MFSD2B: variants seen among roughly 807,000 people sequenced by gnomAD.
MFSD2B encodes the protein MFSD2 lysolipid transporter B, sphingolipid.
Under a neutral mutation model 58.4 loss-of-function variants are expected in MFSD2B, and 56 were observed. That is an observed-to-expected ratio of 0.96 (90% CI 0.77 to 1.20). The LOEUF (loss-of-function observed/expected upper bound fraction) is 1.20, where lower values mean the gene tolerates loss of function less well. MFSD2B is among the 50% of genes most tolerant of loss of function. MFSD2B has a pLI of 0.00. For synonymous variants in MFSD2B, 287 were observed against 294.4 expected (o/e 0.97, Z 0.26); for missense variants, 645 against 667.6 (o/e 0.97, Z 0.37).
chr2:24,013,074 C>T, intron 1 of MFSD2B: 1 of 406,204 alleles, frequency 2.5e-6, no homozygotes, highest in Non-Finnish European at 4.3e-6. Context: ...AGAACTTCCC[C>T]CCTGGAAATG....
At position 24,023,959 on chromosome 2, in the gene MFSD2B, A is replaced by ACTCC. The variant is rs1247567142; in HGVS notation, c.1314-135_1314-132dup. Reference sequence around the variant, plus strand: ...TCCCAGGTCAGCCTGTCACCTTGACACTCCTCTCCTGATCTGACCAGGAAA... The same window carrying ACTCC: ...TCCCAGGTCAGCCTGTCACCTTGACACTCCCTCCTCTCCTGATCTGACCAGGAAA... On this transcript the variant is annotated intron_variant, in intron 12 of 13. Transcript: ENST00000338315. This position sits in a 1 kb window ranked among gnomAD's most constrained non-coding sequence, Gnocchi z 5.0. 1.0e-6 allele frequency: 1 copy of ACTCC among 991,026 alleles called. No homozygotes were observed. Among genetic ancestry groups the ACTCC allele is most frequent in the East Asian group, 2.5e-5 (1 of 39,356 alleles). The allele number at this position is 991,026 out of a possible 1,614,324, so 61.4% of individuals were successfully genotyped here.
chr2:24,021,906 C>T lies in MFSD2B; in HGVS notation c.830C>T (p.Thr277Ile), dbSNP rs200261524. ...AGTTTCCTGGCTGGGCTGAGCCTCA[C>T]TACCCGGCACCCACCCTACCTGAAG... The part of the protein sequence containing the change: ...GLSFLAGLSL[T>I]TRHPPYLKLV... The change falls in exon 8 of 14, where the codon ACT becomes ATT. Residue 277 changes from threonine to isoleucine, a missense_variant. Thr to Ile is a moderately conservative substitution (Grantham distance 89). Transcript: ENST00000338315. The surrounding 1 kb of genome is among the most constrained non-coding windows in gnomAD (Gnocchi z 5.7). The T allele has an allele frequency of 6.6e-5, 106 of 1,614,022 alleles. No individual in the cohort carries two copies. Among genetic ancestry groups the T allele is most frequent in the Non-Finnish European group, 8.4e-5 (99 of 1,179,872 alleles).
Position 24,024,064 on chromosome 2 carries a change from C to T in MFSD2B, c.1314-31C>T. 1 of 1,610,636 alleles carries T rather than the reference C, an allele frequency of 6.2e-7. No homozygotes were observed. The highest frequency in any genetic ancestry group is 8.5e-7 in the Non-Finnish European group (1 of 1,177,992). On this transcript the variant is annotated intron_variant, in intron 12 of 13. Coordinates refer to ENST00000338315, the MANE Select transcript of MFSD2B (RefSeq NM_001346880.2). The surrounding 1 kb of genome is among the most constrained non-coding windows in gnomAD (Gnocchi z 4.3). ...CCCAGGGTGCCAGGCTCAGCAGGCC[C>T]TGCCCTAATGGCTGGCTGATGTTTC...
In MFSD2B at chr2:24,026,553, T is replaced by C. The variant is rs928166489; in HGVS notation, c.*1097T>C. 6.6e-6 allele frequency: 1 copy of C among 152,216 alleles called. No homozygotes were observed. The allele number at this position is 152,216 out of a possible 1,614,324, so 9.4% of individuals were successfully genotyped here. On this transcript the variant is annotated 3_prime_UTR_variant, in exon 14 of 14. Transcript: ENST00000338315. ...CAGGGGCTGAAGACTGAGCTCATCA[T>C]CAATGATTTAATCAATTGTGCCCAT...
In MFSD2B at chr2:24,021,077, T is replaced by C. The variant is rs941202064; in HGVS notation, c.682-571T>C. On this transcript the variant is annotated intron_variant, in intron 6 of 13. Coordinates refer to ENST00000338315, the MANE Select transcript of MFSD2B (RefSeq NM_001346880.2). This position sits in a 1 kb window ranked among gnomAD's most constrained non-coding sequence, Gnocchi z 5.7. Reference sequence around the variant, plus strand: ...ACACCCAGCTAAATGTTTGTATTTTTAGTAGAGATGGGGTTTCACGATGTT... The same window carrying C: ...ACACCCAGCTAAATGTTTGTATTTTCAGTAGAGATGGGGTTTCACGATGTT... 6.6e-6 allele frequency among the ~76,000 whole-genome samples: 1 copy of C among 151,884 alleles called. No homozygotes were observed. The highest frequency in any genetic ancestry group is 1.5e-5 in the Non-Finnish European group (1 of 67,998).
Position 24,022,555 on chromosome 2 carries a change from G to T in MFSD2B, c.978+39G>T. The T allele has an allele frequency of 1.3e-6, 2 of 1,524,142 alleles. No individual in the cohort carries two copies. Among genetic ancestry groups the T allele is most frequent in the Non-Finnish European group, 9.0e-7 (1 of 1,111,954 alleles). The allele number at this position is 1,524,142 out of a possible 1,614,324, so 94.4% of individuals were successfully genotyped here. A position where few individuals can be genotyped will look rare whatever the true frequency, so the allele number is the denominator to read the frequency against. ...GGGTGGTGGAGGCTAGGTCACTTGG[G>T]GCCCTGAGCTGGGGACATGTGTGGT... On this transcript the variant is annotated intron_variant, in intron 9 of 13. Coordinates refer to ENST00000338315, the MANE Select transcript of MFSD2B (RefSeq NM_001346880.2). This position sits in a 1 kb window ranked among gnomAD's most constrained non-coding sequence, Gnocchi z 4.5.
Position 24,020,030 on chromosome 2 carries a change from G to A in MFSD2B, c.682-1618G>A, listed in dbSNP as rs778228845. Among the ~76,000 whole-genome samples, 1 of 152,196 alleles carries A rather than the reference G, an allele frequency of 6.6e-6. No individual in the cohort carries two copies. Among genetic ancestry groups the A allele is most frequent in the Non-Finnish European group, 1.5e-5 (1 of 68,040 alleles). ...GAGCAGAGCTACCTGGCCCTGTTCT[G>A]TACACATGCCTCCCAGCTACACGAC... On this transcript the variant is annotated intron_variant, in intron 6 of 13. Coordinates refer to ENST00000338315, the MANE Select transcript of MFSD2B (RefSeq NM_001346880.2). This position sits in a 1 kb window ranked among gnomAD's most constrained non-coding sequence, Gnocchi z 4.1.
chr2:24,020,402 C>T lies in MFSD2B; in HGVS notation c.682-1246C>T, dbSNP rs1662730602. 6.6e-6 allele frequency among the ~76,000 whole-genome samples: 1 copy of T among 152,150 alleles called. No individual in the cohort carries two copies. Among genetic ancestry groups the T allele is most frequent in the Non-Finnish European group, 1.5e-5 (1 of 68,016 alleles). On this transcript the variant is annotated intron_variant, in intron 6 of 13. Transcript: ENST00000338315. This position sits in a 1 kb window ranked among gnomAD's most constrained non-coding sequence, Gnocchi z 4.1. Reference sequence around the variant, plus strand: ...GCCCTCCAGAGCATGAGGCCCAGGGCGGTTGCACAGGATGAGTGCCCTGCC... The same window carrying T: ...GCCCTCCAGAGCATGAGGCCCAGGGTGGTTGCACAGGATGAGTGCCCTGCC...
chr2:24,018,616 C>T (rs970836153), intron 6 of MFSD2B: 1 of 182,104 alleles, frequency 5.5e-6, no homozygotes, highest in African/African-American at 2.4e-5. Flanking sequence ...ACCTCCTCCC[C>T]CTGTTCTGTT....
In MFSD2B at chr2:24,023,629, C is replaced by T. The variant is rs1662880485; in HGVS notation, c.1216C>T (p.His406Tyr). The T allele has an allele frequency of 1.2e-6, 2 of 1,613,864 alleles. No individual in the cohort carries two copies. The highest frequency in any genetic ancestry group is 1.7e-6 in the Non-Finnish European group (2 of 1,179,860). ...VVDDFQLQHR[H>Y]GPGLETIFYS... is the part of the protein sequence containing the mutation. ...GGATGACTTTCAGCTGCAGCACCGT[C>T]ACGGGCCAGGCCTGGAGACCATCTT... The change falls in exon 12 of 14, where the codon CAC becomes TAC. Residue 406 changes from histidine (H) to tyrosine (Y), a missense_variant. Coordinates refer to ENST00000338315, the MANE Select transcript of MFSD2B (RefSeq NM_001346880.2). The surrounding 1 kb of genome is among the most constrained non-coding windows in gnomAD (Gnocchi z 5.0).
Position 24,022,697 on chromosome 2 carries a change from T to C in MFSD2B, c.979-125T>C. 3 of 859,398 alleles carry C rather than the reference T, an allele frequency of 3.5e-6. No homozygotes were observed. Among genetic ancestry groups the C allele is most frequent in the Non-Finnish European group, 5.3e-6 (3 of 564,196 alleles). 53.2% of individuals were successfully genotyped at this position (859,398 alleles called of 1,614,324 possible). On this transcript the variant is annotated intron_variant, in intron 9 of 13. Transcript: ENST00000338315. This position sits in a 1 kb window ranked among gnomAD's most constrained non-coding sequence, Gnocchi z 4.5. ...ATTGGGGCCAGGATTACAACATTCA[T>C]AGCCACCGGTTTGAACCAGGGGCAA...
chr2:24,015,119 A>AAAAAC (rs1709092139), intron 2 of MFSD2B, among the ~76,000 whole-genome samples: 1 of 151,636 alleles, frequency 6.6e-6, no homozygotes, highest in South Asian at 2.1e-4. Flanking sequence ...ACTCCCTCTC[A>AAAAAC]AAAACAAAAC....
Position 24,024,119 on chromosome 2 carries a change from C to T in MFSD2B, c.1338C>T (p.Val446=). ...GGTTCTCGGGGTATAAGGCAGGGGT[C>T]TGCAAGCAAGCAGAGGAGGTGGTGG... ...SLEFSGYKAG[V]CKQAEEVVVT... Residue 446 remains valine (V), a synonymous_variant, in exon 13 of 14, where the codon GTC becomes GTT. Coordinates refer to ENST00000338315, the MANE Select transcript of MFSD2B (RefSeq NM_001346880.2). The surrounding 1 kb of genome is among the most constrained non-coding windows in gnomAD (Gnocchi z 4.3). The T allele has an allele frequency of 6.2e-7, 1 of 1,613,870 alleles. No individual in the cohort carries two copies. Among genetic ancestry groups the T allele is most frequent in the Non-Finnish European group, 8.5e-7 (1 of 1,179,828 alleles).
At position 24,012,914 on chromosome 2, in the gene MFSD2B, A is replaced by G. The variant is rs1709006810; in HGVS notation, c.97-371A>G. 5.7e-6 allele frequency: 1 copy of G among 174,338 alleles called. No homozygotes were observed. The highest frequency in any genetic ancestry group is 1.9e-4 in the South Asian group (1 of 5,200). The allele number at this position is 174,338 out of a possible 1,614,324, so 10.8% of individuals were successfully genotyped here. A position where few individuals can be genotyped will look rare whatever the true frequency, so the allele number is the denominator to read the frequency against. ...TGACAGATGAGGAAAACAGGCTTAG[A>G]GAGATGATGTGATTTATTCAAGGTC... On this transcript the variant is annotated intron_variant, in intron 1 of 13. Coordinates refer to ENST00000338315, the MANE Select transcript of MFSD2B (RefSeq NM_001346880.2). This position sits in a 1 kb window ranked among gnomAD's most constrained non-coding sequence, Gnocchi z 4.5.
Position 24,023,313 on chromosome 2 carries a change from G to C in MFSD2B, c.1169+74G>C. On this transcript the variant is annotated intron_variant, in intron 11 of 13. Transcript: ENST00000338315. The surrounding 1 kb of genome is among the most constrained non-coding windows in gnomAD (Gnocchi z 5.0). ...CCTTCATGTAAACCTGCCGTCCCAG[G>C]CCCCCTGCACCCAGCCTGTGCAGGA... The C allele has an allele frequency of 7.9e-7, 1 of 1,263,030 alleles. No homozygotes were observed. The highest frequency in any genetic ancestry group is 1.1e-6 in the Non-Finnish European group (1 of 872,484). The allele number at this position is 1,263,030 out of a possible 1,614,324, so 78.2% of individuals were successfully genotyped here.
In MFSD2B at chr2:24,017,328, C is replaced by A. The variant is rs758320029; in HGVS notation, c.514C>A (p.Pro172Thr). ...CACAGCGCTCACCATGCTGCTGACT[C>A]CCTGCCCAAGGGAGCGGGACTCGGC... ...PYTALTMLLT[P>T]CPRERDSATA... is the part of the protein sequence containing the mutation. Residue 172 changes from proline to threonine, a missense_variant, in exon 5 of 14, where the codon CCC becomes ACC. By Grantham distance (38) the Pro-to-Thr change is conservative. Transcript: ENST00000338315. The surrounding 1 kb of genome is among the most constrained non-coding windows in gnomAD (Gnocchi z 4.8). 1 of 1,606,796 alleles carries A rather than the reference C, an allele frequency of 6.2e-7. No individual in the cohort carries two copies. The highest frequency in any genetic ancestry group is 1.1e-5 in the South Asian group (1 of 89,560).
rs1259286335 is a variant in MFSD2B at position 24,017,619 on chromosome 2, C to A, written c.681+31C>A. The A allele has an allele frequency of 6.6e-7, 1 of 1,524,270 alleles. No individual in the cohort carries two copies. The highest frequency in any genetic ancestry group is 1.3e-5 in the South Asian group (1 of 79,810). 94.4% of individuals were successfully genotyped at this position (1,524,270 alleles called of 1,614,324 possible). A position where few individuals can be genotyped will look rare whatever the true frequency, so the allele number is the denominator to read the frequency against. On this transcript the variant is annotated intron_variant, in intron 6 of 13. Transcript: ENST00000338315. This position sits in a 1 kb window ranked among gnomAD's most constrained non-coding sequence, Gnocchi z 4.8. ...TGCACTGGGTGGCAAGGCCCCCCAACCTGGGGTCCCCTCTGCAGGGTCACC... is the reference window on the plus strand; with the variant it reads ...TGCACTGGGTGGCAAGGCCCCCCAAACTGGGGTCCCCTCTGCAGGGTCACC...
chr2:24,021,064 ATGTT>A lies in MFSD2B; in HGVS notation c.682-580_682-577del. ...GGCACCCGCCACCACACCCAGCTAA[ATGTT>A]TGTATTTTTAGTAGAGATGGGGTTT... On this transcript the variant is annotated intron_variant, in intron 6 of 13. Transcript: ENST00000338315. The surrounding 1 kb of genome is among the most constrained non-coding windows in gnomAD (Gnocchi z 5.7). Among the ~76,000 whole-genome samples the A allele has an allele frequency of 6.7e-6, 1 of 150,222 alleles. No homozygotes were observed. Among genetic ancestry groups the A allele is most frequent in the Non-Finnish European group, 1.5e-5 (1 of 67,624 alleles).
rs553183751 is a variant in MFSD2B, at chr2:24,012,190, A to C, written c.97-1095A>C. Reference sequence around the variant, plus strand: ...CACACACACACACACAAAAACAGACAAAAAAACCCTGCAATAGCAAGCCAT... The same window carrying C: ...CACACACACACACACAAAAACAGACCAAAAAACCCTGCAATAGCAAGCCAT... On this transcript the variant is annotated intron_variant, in intron 1 of 13. Coordinates refer to ENST00000338315, the MANE Select transcript of MFSD2B (RefSeq NM_001346880.2). This position sits in a 1 kb window ranked among gnomAD's most constrained non-coding sequence, Gnocchi z 4.5. Among the ~76,000 whole-genome samples the C allele has an allele frequency of 1.5e-3, 221 of 152,056 alleles. No homozygotes were observed. Among genetic ancestry groups the C allele is most frequent in the African/African-American group, 4.8e-3 (201 of 41,494 alleles).
Sources: allele counts gnomAD v4.1 joint callset (sites outside exome capture counted in the v4.1 genomes callset), GRCh38; gene constraint gnomAD v4.1.1; non-coding constraint Gnocchi (gnomAD v3.1); transcripts MANE v1.5; gene names NCBI Gene and HGNC (gene_info 2026-07-23, HGNC 2026-07-21).